The following SH2D3A variants were observed in gnomAD, a reference collection of about 807,000 sequenced individuals.
The protein encoded by SH2D3A is SH2 domain-containing protein 3A.
Under a neutral mutation model 50.6 loss-of-function variants are expected in SH2D3A, and 46 were observed. The observed-to-expected ratio is 0.91, with a 90% CI of 0.72 to 1.16. SH2D3A has a LOEUF of 1.16. Among genes scored for constraint, SH2D3A ranks in the 50% most tolerant of loss-of-function variants. SH2D3A has a pLI of 0.00. For synonymous variants in SH2D3A, 377 were observed against 348.4 expected (o/e 1.08, Z -0.91); for missense variants, 783 against 786.2 (o/e 1.00, Z 0.05).
intron 1 of SH2D3A, among the ~76,000 whole-genome samples, chr19:6,765,747 C>CAAAAAAAAAA (rs397945080): frequency 9.5e-5 from 6 of 63,234 alleles, no homozygotes; most frequent in African/African-American, 3.2e-4. Context: ...GACTCCGTCT[C>CAAAAAAAAAA]AAAAAAAAAA....
At chr19:6,752,857 G>C (rs1969397365) in intron 9 of SH2D3A, 104 bp from the exon 10 acceptor site, 2 of 1,419,594 alleles carry the variant, frequency 1.4e-6, no homozygotes, top group Non-Finnish European at 9.2e-7. Context: ...GACCCAACAG[G>C]GGCCCGGGAG....
chr19:6,755,014 TTCC>T lies in SH2D3A; in HGVS notation c.795_797del (p.Glu267del), dbSNP rs1568263421. ...GTGGTCTTGTAAAACATCTATTCTC[TTCC>T]TCCTCATCCTCCTCGGCCTCCCACC... On this transcript the variant is annotated inframe_deletion, in exon 5 of 10. Coordinates refer to ENST00000245908, the MANE Select transcript of SH2D3A (RefSeq NM_005490.3). 2 of 1,613,908 alleles carry T rather than the reference TTCC, an allele frequency of 1.2e-6. No homozygotes were observed. The highest frequency in any genetic ancestry group is 1.7e-6 in the Non-Finnish European group (2 of 1,179,964).
chr19:6,754,511 ATC>A (rs900738984), intron 6 of SH2D3A, 86 bp from the exon 7 acceptor site: 184 of 1,565,716 alleles, frequency 1.2e-4, no homozygotes, highest in Non-Finnish European at 1.5e-4. Context: ...GCATTGCCCC[ATC>A]TCCCTTCTTC....
intron 2 of SH2D3A, among the ~76,000 whole-genome samples, chr19:6,761,852 G>A (rs1011657810): frequency 6.6e-6 from 1 of 151,912 alleles, no homozygotes; most frequent in Non-Finnish European, 1.5e-5. Context: ...AGGAGGCTGA[G>A]GTGGGAGAAT....
At position 6,759,798 on chromosome 19, in the gene SH2D3A, A is replaced by T. The variant is rs886380023; in HGVS notation, c.420-128T>A. On this transcript the variant is annotated intron_variant, in intron 3 of 9. Transcript: ENST00000245908. ...CAACCAATCAAGGTGACCTACGTCC[A>T]GGGGACTCTTAGCAACGTGTGGAGA... The T allele has an allele frequency of 4.8e-5, 40 of 840,922 alleles. No homozygotes were observed. The African/African-American group carries it at 6.1e-4, about 13-fold the overall frequency. 52.1% of individuals were successfully genotyped at this position (840,922 alleles called of 1,614,324 possible). A position where few individuals can be genotyped will look rare whatever the true frequency, so the allele number is the denominator to read the frequency against.
At chr19:6,764,750 G>T (rs1599597748) in intron 1 of SH2D3A, among the ~76,000 whole-genome samples, 1 of 152,060 alleles carries the variant, frequency 6.6e-6, no homozygotes, top group East Asian at 1.9e-4. Flanking sequence ...TTATTGCCCA[G>T]GCTGGACTGC....
rs1306249295 is a variant in SH2D3A at position 6,763,581 on chromosome 19, C to A, written c.69+99G>T. ...GCCCTCTGCCACCTGTCCCAATAGA[C>A]CTTGGCACTAAGTCCCTCATCCAGG... On this transcript the variant is annotated intron_variant, in intron 2 of 9. Coordinates refer to ENST00000245908, the MANE Select transcript of SH2D3A (RefSeq NM_005490.3). The A allele has an allele frequency of 2.3e-5, 25 of 1,102,624 alleles. 1 individual carries two copies. The highest frequency in any genetic ancestry group is 3.2e-5 in the Non-Finnish European group (24 of 752,902). The allele number at this position is 1,102,624 out of a possible 1,614,324, so 68.3% of individuals were successfully genotyped here.
intron 5 of SH2D3A, 46 bp from the exon 6 acceptor site, chr19:6,754,777 C>T (rs1289025472): frequency 1.2e-6 from 2 of 1,613,728 alleles, no homozygotes; most frequent in Non-Finnish European, 1.7e-6. Flanking sequence ...ATTATGTAGG[C>T]ATGGTTGGGT....
chr19:6,753,475 C>A lies in SH2D3A; in HGVS notation c.1551G>T (p.Val517=). 6.6e-7 allele frequency: 1 copy of A among 1,521,838 alleles called. No individual in the cohort carries two copies. 94.3% of individuals were successfully genotyped at this position (1,521,838 alleles called of 1,614,324 possible). ...MVRDAPKFRK[V]AAQRLRGFRP... is the part of the protein sequence containing the mutation. The stretch of plus-strand genomic sequence containing the variant: ...GCTCACCTCGCAGGCGCTGGGCTGC[C>A]ACCTTGCGGAATTTGGGTGCGTCCC... Residue 517 remains valine (V), a synonymous_variant, in exon 9 of 10, where the codon GTG becomes GTT. Transcript: ENST00000245908.
intron 3 of SH2D3A, 132 bp from the exon 4 acceptor site, chr19:6,759,802 G>T: frequency 1.3e-6 from 1 of 785,890 alleles, no homozygotes; most frequent in Non-Finnish European, 2.0e-6. Flanking sequence ...ACGTCCAGGG[G>T]ACTCTTAGCA....
chr19:6,753,065 G>T lies in SH2D3A; in HGVS notation c.1571-312C>A, dbSNP rs181389354. 1.6e-3 allele frequency: 1,583 copies of T among 985,338 alleles called. 20 individuals carry two copies. In the African/African-American group the frequency reaches 0.026, roughly 16 times the overall value. The allele number at this position is 985,338 out of a possible 1,614,324, so 61.0% of individuals were successfully genotyped here. On this transcript the variant is annotated intron_variant, in intron 9 of 9. Coordinates refer to ENST00000245908, the MANE Select transcript of SH2D3A (RefSeq NM_005490.3). ...GGCTGCCCCGAGGACGGGATCCCAG[G>T]TTGTCGGGGAAGGTGGGGGGATCTT...
In SH2D3A at chr19:6,753,499, C is replaced by T. The variant is rs750188436; in HGVS notation, c.1527G>A (p.Arg509=). The change falls in exon 9 of 10, where the codon CGG becomes CGA. Residue 509 remains arginine, a synonymous_variant. Transcript: ENST00000245908. ...CCACCTTGCGGAATTTGGGTGCGTC[C>T]CGGACCATGTGACGCGCCCCGTGCA... ...RTLHGARHMV[R]DAPKFRKVAA... is the part of the protein sequence containing the mutation. The T allele has an allele frequency of 1.9e-6, 3 of 1,552,998 alleles. No homozygotes were observed. The highest frequency in any genetic ancestry group is 4.8e-5 in the East Asian group (2 of 41,370).
rs1969538117 is a variant in SH2D3A at position 6,754,600 on chromosome 19, C to T, written c.1097+16G>A. ...AATTGGCCTCCCCCAACCAAGATTA[C>T]AAGCTGCTGGCTCACCTCTCCAGCA... On this transcript the variant is annotated intron_variant, in intron 6 of 9. Coordinates refer to ENST00000245908, the MANE Select transcript of SH2D3A (RefSeq NM_005490.3). The T allele has an allele frequency of 6.2e-7, 1 of 1,613,914 alleles. No homozygotes were observed. Among genetic ancestry groups the T allele is most frequent in the Admixed American group, 1.7e-5 (1 of 60,006 alleles).
chr19:6,763,886 G>T, intron 1 of SH2D3A, 70 bp from the exon 2 acceptor site: 1 of 375,582 alleles, frequency 2.7e-6, no homozygotes, highest in Non-Finnish European at 4.8e-6. Flanking sequence ...TCTTAATTTT[G>T]GAGACAGCTC....
At chr19:6,753,319 G>C (rs1692100405) in intron 9 of SH2D3A, 137 bp downstream of exon 9, 1 of 1,399,080 alleles carries the variant, frequency 7.1e-7, no homozygotes, top group Non-Finnish European at 9.3e-7. Flanking sequence ...TCCTGGAGTG[G>C]AGCCGTCCCA....
chr19:6,753,605 A>G lies in SH2D3A; in HGVS notation c.1421T>C (p.Val474Ala). ...CTCCAGTAGGCGAACCATGGGTGCC[A>G]CGTGCGGCAGCGCCACCTCGCCGGG... ...CDPGEVALPH[V>A]APMVRLLEGE... The change falls in exon 9 of 10, where the codon GTG becomes GCG. Residue 474 changes from valine to alanine, a missense_variant. Transcript: ENST00000245908. The G allele has an allele frequency of 6.3e-7, 1 of 1,590,358 alleles. No individual in the cohort carries two copies. The highest frequency in any genetic ancestry group is 8.6e-7 in the Non-Finnish European group (1 of 1,169,500).
chr19:6,757,367 G>C (rs938818184), intron 4 of SH2D3A: 3 of 148,202 alleles, frequency 2.0e-5, no homozygotes, highest in Non-Finnish European at 4.4e-5. Context: ...GCCCAGGCTG[G>C]AGTGCAATGG....
In SH2D3A at chr19:6,752,822, C is replaced by T; in HGVS notation, c.1571-69G>A. The T allele has an allele frequency of 4.8e-6, 7 of 1,445,042 alleles. No individual in the cohort carries two copies. The South Asian group carries it at 9.9e-5, about 20-fold the overall frequency. The allele number at this position is 1,445,042 out of a possible 1,614,324, so 89.5% of individuals were successfully genotyped here. ...CGCCTCGCCCCTCCCAACCTCCCGG[C>T]ACCTTCCTTTCCCCAGAGGACTTTG... On this transcript the variant is annotated intron_variant, in intron 9 of 9. Transcript: ENST00000245908.
intron 4 of SH2D3A, chr19:6,758,494 G>A (rs1969825128): frequency 6.6e-6 from 1 of 151,550 alleles, no homozygotes; most frequent in Non-Finnish European, 1.5e-5. Context: ...GTAGAGACGG[G>A]GTTTCGCCAT....
Sources: gnomAD v4.1 joint callset for allele counts (sites outside exome capture counted in the v4.1 genomes callset) on GRCh38, gnomAD v4.1.1 for gene constraint, MANE v1.5 for transcripts, NCBI Gene and HGNC (gene_info 2026-07-23, HGNC 2026-07-21) for gene names.